The following NCALD variants were observed in gnomAD, a reference collection of about 807,000 sequenced individuals.
NCALD encodes the protein neurocalcin delta.
In NCALD, 10 loss-of-function variants were observed where a neutral mutation model predicts 18.6. The observed-to-expected ratio is 0.54, with a 90% CI of 0.33 to 0.91. The LOEUF is 0.91. NCALD is among the 40% of genes least tolerant of loss of function. The pLI is 0.03. For synonymous variants in NCALD, 88 were observed against 87.4 expected, an observed-to-expected ratio of 1.01 and a Z score of -0.04; for missense variants, 184 against 247.6, an observed-to-expected ratio of 0.74 and a Z score of 1.72.
chr8:101,905,730 A>G (rs1185579507), intron 3 of NCALD, among the ~76,000 whole-genome samples: 1 of 152,214 alleles, frequency 6.6e-6, no homozygotes, highest in African/African-American at 2.4e-5. Flanking sequence ...AAGCTCCCTA[A>G]CCAGCATCCA....
intron 1 of NCALD, among the ~76,000 whole-genome samples, chr8:102,034,817 G>A (rs560266172): frequency 4.6e-5 from 7 of 152,282 alleles, no homozygotes; most frequent in South Asian, 2.1e-4. Flanking sequence ...TTAAACGTAC[G>A]CGTCCCCTAC....
At chr8:102,075,167 T>C (rs1292207194) in intron 1 of NCALD, among the ~76,000 whole-genome samples, 2 of 152,202 alleles carry the variant, frequency 1.3e-5, no homozygotes, top group Non-Finnish European at 2.9e-5. Context: ...AGATTTCTCT[T>C]AGTAAGAAAG....
chr8:102,045,162 C>T (rs1319038517), intron 1 of NCALD, among the ~76,000 whole-genome samples: 1 of 152,190 alleles, frequency 6.6e-6, no homozygotes, highest in Admixed American at 6.5e-5. Flanking sequence ...AGTTTCATTT[C>T]CTCTTGCCAT....
chr8:101,690,786 A>G (rs1586209295), intron 3 of NCALD: 2 of 985,404 alleles, frequency 2.0e-6, no homozygotes, highest in Non-Finnish European at 2.4e-6. Flanking sequence ...CCCACATAGT[A>G]GTTACAATGG....
At chr8:101,781,044 G>C (rs79978693) in intron 1 of NCALD, among the ~76,000 whole-genome samples, 4,203 of 152,110 alleles carry the variant, frequency 0.028, 97 homozygotes, top group Middle Eastern at 0.048. Flanking sequence ...TTAAAAATTG[G>C]AAGTTGATCA....
intron 1 of NCALD, among the ~76,000 whole-genome samples, chr8:101,758,265 A>C (rs1810968281): frequency 6.6e-6 from 1 of 151,808 alleles, no homozygotes; most frequent in Non-Finnish European, 1.5e-5. Context: ...TCCTGCTCCA[A>C]CTCCACAGAA....
chr8:102,033,657 A>T (rs1800056438), intron 1 of NCALD, among the ~76,000 whole-genome samples: 1 of 152,182 alleles, frequency 6.6e-6, no homozygotes, highest in Admixed American at 6.6e-5. Context: ...TACTGCACTA[A>T]CTGGGGTCCC....
Position 101,688,461 on chromosome 8 carries a change from CT to C in NCALD, c.*847del. 1 of 300,662 alleles carries C rather than the reference CT, an allele frequency of 3.3e-6. No individual in the cohort carries two copies. Among genetic ancestry groups the C allele is most frequent in the Non-Finnish European group, 6.6e-6 (1 of 150,726 alleles). 18.6% of individuals were successfully genotyped at this position (300,662 alleles called of 1,614,324 possible). On this transcript the variant is annotated 3_prime_UTR_variant, in exon 4 of 4. Coordinates refer to ENST00000220931, the MANE Select transcript of NCALD (RefSeq NM_032041.3). ...TATAGTTGTCTTACTTCACAATAAG[CT>C]ACTAAAAACAGTCTTCTGGAATAAG...
chr8:101,737,180 G>A (rs7844259), intron 1 of NCALD, among the ~76,000 whole-genome samples: 90,915 of 151,840 alleles, frequency 0.6, 29,887 homozygotes, highest in Non-Finnish European at 0.74. Flanking sequence ...GTGCAGTGGC[G>A]CCATCGTGGC....
At chr8:102,036,260 G>C (rs1822860934) in intron 1 of NCALD, among the ~76,000 whole-genome samples, 1 of 151,688 alleles carries the variant, frequency 6.6e-6, no homozygotes, top group Non-Finnish European at 1.5e-5. Flanking sequence ...GCAGTGTGCA[G>C]TGTCCTGAGA....
intron 2 of NCALD, among the ~76,000 whole-genome samples, chr8:101,956,571 G>C (rs79205664): frequency 0.012 from 1,846 of 152,188 alleles, 17 homozygotes; most frequent in Non-Finnish European, 0.013. Flanking sequence ...TTAGGGGAGA[G>C]AGAAAGAGGG....
intron 1 of NCALD, among the ~76,000 whole-genome samples, chr8:102,085,011 G>A (rs1468185410): frequency 6.6e-6 from 1 of 152,114 alleles, no homozygotes; most frequent in East Asian, 1.9e-4. Context: ...GCAGGTGTCC[G>A]TATCTTTTGA....
At chr8:102,014,178 A>C (rs1309694413) in intron 2 of NCALD, among the ~76,000 whole-genome samples, 1 of 152,202 alleles carries the variant, frequency 6.6e-6, no homozygotes, top group African/African-American at 2.4e-5. Flanking sequence ...ATGGCTTATA[A>C]GCAACATTTA....
intron 4 of NCALD, among the ~76,000 whole-genome samples, chr8:101,805,810 A>G (rs1157168423): frequency 6.6e-6 from 1 of 152,238 alleles, no homozygotes; most frequent in Admixed American, 6.5e-5. Context: ...ATCAAAGAGA[A>G]CTAGGAAAGG....
chr8:101,796,784 G>C (rs1255471563), intron 4 of NCALD, among the ~76,000 whole-genome samples: 1 of 152,124 alleles, frequency 6.6e-6, no homozygotes, highest in African/African-American at 2.4e-5. Flanking sequence ...CTTACAAAAA[G>C]ACACCGTGAA....
chr8:101,763,559 G>A lies in NCALD; in HGVS notation c.-20+27303C>T, dbSNP rs1014314739. Among the ~76,000 whole-genome samples, 7 of 152,064 alleles carry A rather than the reference G, an allele frequency of 4.6e-5. No individual in the cohort carries two copies. The East Asian group carries it at 5.8e-4, about 13-fold the overall frequency. On this transcript the variant is annotated intron_variant, in intron 1 of 3. Coordinates refer to ENST00000220931, the MANE Select transcript of NCALD (RefSeq NM_032041.3). ...CAACTTGATTGGGCCACAGGGTGTC[G>A]GATATTTGGTCAAATATTATCCTGG... is the stretch of plus-strand genomic sequence containing the variant.
At chr8:101,797,004 C>T (rs189226806) in intron 4 of NCALD, among the ~76,000 whole-genome samples, 1 of 152,344 alleles carries the variant, frequency 6.6e-6, no homozygotes, top group Non-Finnish European at 1.5e-5. Flanking sequence ...GACCTGGAAG[C>T]CCCTCCCTAC....
intron 1 of NCALD, among the ~76,000 whole-genome samples, chr8:101,725,453 C>T (rs1332125507): frequency 6.6e-6 from 1 of 152,180 alleles, no homozygotes; most frequent in East Asian, 1.9e-4. Context: ...TAAAATCCTC[C>T]ACATTTATCA....
intron 1 of NCALD, among the ~76,000 whole-genome samples, chr8:102,118,538 G>C (rs1014370612): frequency 3.3e-5 from 5 of 152,212 alleles, no homozygotes; most frequent in Admixed American, 1.3e-4. Flanking sequence ...GCTAGCATGA[G>C]TGCTATTATT....
Sources: allele counts gnomAD v4.1 joint callset (sites outside exome capture counted in the v4.1 genomes callset), GRCh38; gene constraint gnomAD v4.1.1; transcripts MANE v1.5; gene names NCBI Gene and HGNC (gene_info 2026-07-23, HGNC 2026-07-21).